Variants in BARHL2 observed in about 807,000 individuals in gnomAD.
BARHL2 encodes BarH like homeobox 2.
Under a neutral mutation model 27.1 loss-of-function variants are expected in BARHL2, and 10 were observed. The observed-to-expected ratio is 0.37, with a 90% CI of 0.23 to 0.63. The LOEUF (loss-of-function observed/expected upper bound fraction) is 0.63. BARHL2 is among the 20% of genes least tolerant of loss of function. The probability of loss-of-function intolerance (pLI) is 0.65; values close to 1 mark genes in which losing one functional copy is unlikely to be tolerated. For missense variants in BARHL2, 483 were observed against 533.5 expected, an observed-to-expected ratio of 0.91 and a Z score of 0.93; for synonymous variants, 248 against 224.7, an observed-to-expected ratio of 1.10 and a Z score of -0.93.
Position 90,712,584 on chromosome 1 carries a change from G to A in BARHL2, c.892C>T (p.Leu298=). Residue 298 remains leucine (L), a synonymous_variant, in exon 3 of 3, where the codon CTG becomes TTG. Coordinates refer to ENST00000370445, the MANE Select transcript of BARHL2 (RefSeq NM_020063.2). ...GCCGAGTAGTTCCCTGCCTCGGCCAGCAACTCCAGGCCCACCGCTGTCTGC... is the reference window on the plus strand; with the variant it reads ...GCCGAGTAGTTCCCTGCCTCGGCCAACAACTCCAGGCCCACCGCTGTCTGC... ...KRQTAVGLEL[L]AEAGNYSALQ... The A allele has an allele frequency of 8.7e-6, 14 of 1,612,782 alleles. No individual in the cohort carries two copies. The highest frequency in any genetic ancestry group is 1.7e-4 in the Middle Eastern group (1 of 6,012).
chr1:90,716,827 C>CGGCGGCGGCGGCTGCTGT lies in BARHL2; in HGVS notation c.351_368dup (p.Gln118_Pro123dup), dbSNP rs770262529. ...CGGCCGAGCCCAGCTGCTGGGGGGG[C>CGGCGGCGGCGGCTGCTGT]GGCGGCGGCGGCTGCTGTGGCGGCA... On this transcript the variant is annotated inframe_insertion, in exon 1 of 3. Transcript: ENST00000370445. 5.2e-6 allele frequency: 8 copies of CGGCGGCGGCGGCTGCTGT among 1,544,312 alleles called. No individual in the cohort carries two copies. In the East Asian group the frequency reaches 7.4e-5, roughly 14 times the overall value.
Position 90,717,292 on chromosome 1 carries a change from T to A in BARHL2, c.-97A>T. On this transcript the variant is annotated 5_prime_UTR_variant, in exon 1 of 3. Transcript: ENST00000370445. ...AAAACAAAATAAACACCAAACAATG[T>A]TGCCGCCGCTTAAAAAAAAAAAAGT... 1 of 1,503,576 alleles carries A rather than the reference T, an allele frequency of 6.7e-7. No individual in the cohort carries two copies. Among genetic ancestry groups the A allele is most frequent in the Non-Finnish European group, 8.8e-7 (1 of 1,140,672 alleles). 93.1% of individuals were successfully genotyped at this position (1,503,576 alleles called of 1,614,324 possible).
chr1:90,716,793 G>A lies in BARHL2; in HGVS notation c.403C>T (p.Pro135Ser), dbSNP rs767961641. 1.9e-6 allele frequency: 3 copies of A among 1,553,928 alleles called. No individual in the cohort carries two copies. The highest frequency in any genetic ancestry group is 1.2e-5 in the South Asian group (1 of 84,396). Residue 135 changes from proline (P) to serine (S), a missense_variant, in exon 1 of 3, where the codon CCC becomes TCC. By Grantham distance (74) the Pro-to-Ser change is moderately conservative. Around this residue, in one of 3 missense-constraint regions of BARHL2, gnomAD observed 304 missense variants for 284.9 expected, o/e 1.07. Transcript: ENST00000370445. ...AAAAAAGAAGACGTGGAAGTCCTGGGGGCCGAGGCGGCCGAGCCCAGCTGC... is the reference window on the plus strand; with the variant it reads ...AAAAAAGAAGACGTGGAAGTCCTGGAGGCCGAGGCGGCCGAGCCCAGCTGC... ...PQQLGSAASA[P>S]RTSTSSFLIK...
In BARHL2 at chr1:90,716,814, G is replaced by C; in HGVS notation, c.382C>G (p.Leu128Val). Reference protein sequence around the residue: ...QQPPPPPPQQLGSAASAPRTS... With the variant: ...QQPPPPPPQQVGSAASAPRTS... The stretch of plus-strand genomic sequence containing the variant: ...CTGGGGGCCGAGGCGGCCGAGCCCA[G>C]CTGCTGGGGGGGCGGCGGCGGCGGC... Residue 128 changes from leucine (L) to valine (V), a missense_variant, in exon 1 of 3, where the codon CTG becomes GTG. This residue lies in a region of BARHL2 where 304 missense variants were observed against 284.9 expected (regional missense o/e 1.07). Transcript: ENST00000370445. 6.4e-7 allele frequency: 1 copy of C among 1,552,598 alleles called. No homozygotes were observed. Among genetic ancestry groups the C allele is most frequent in the Non-Finnish European group, 8.7e-7 (1 of 1,147,786 alleles).
chr1:90,714,847 C>A, intron 1 of BARHL2, 91 bp from the exon 2 acceptor site: 1 of 1,230,796 alleles, frequency 8.1e-7, no homozygotes, highest in Non-Finnish European at 1.2e-6. Flanking sequence ...ATTCCCAAGC[C>A]AACTACTGGC....
At chr1:90,713,968 C>T (rs535532508) in intron 2 of BARHL2, among the ~76,000 whole-genome samples, 1 of 152,344 alleles carries the variant, frequency 6.6e-6, no homozygotes, top group South Asian at 2.1e-4. Context: ...GCCAAACCTA[C>T]TCTAACCCAG....
chr1:90,713,400 C>A (rs1658077334), intron 2 of BARHL2, among the ~76,000 whole-genome samples: 1 of 152,126 alleles, frequency 6.6e-6, no homozygotes, highest in Non-Finnish European at 1.5e-5. Context: ...CGCTGCACAC[C>A]CTGCTAGGAA....
Position 90,712,370 on chromosome 1 carries a change from C to A in BARHL2, c.1106G>T (p.Gly369Val). ...GGACAATGGATTAAGGGCTGGCTGTCCCCCAGGCCCTAGGCCGTGGATGAG... is the reference window on the plus strand; with the variant it reads ...GGACAATGGATTAAGGGCTGGCTGTACCCCAGGCCCTAGGCCGTGGATGAG... The part of the protein sequence containing the change: ...RVLIHGLGPG[G>V]QPALNPLSSP... The change falls in exon 3 of 3, where the codon GGA (glycine) becomes GTA (valine). Residue 369 changes from glycine to valine, a missense_variant. Coordinates refer to ENST00000370445, the MANE Select transcript of BARHL2 (RefSeq NM_020063.2). 1 of 1,556,666 alleles carries A rather than the reference C, an allele frequency of 6.4e-7. No individual in the cohort carries two copies. The highest frequency in any genetic ancestry group is 8.7e-7 in the Non-Finnish European group (1 of 1,147,440).
In BARHL2 at chr1:90,712,351, T is replaced by C; in HGVS notation, c.1125A>G (p.Pro375=). The change falls in exon 3 of 3, where the codon CCA becomes CCG. Residue 375 remains proline (P), a synonymous_variant. Coordinates refer to ENST00000370445, the MANE Select transcript of BARHL2 (RefSeq NM_020063.2). ...LGPGGQPALN[P]LSSPIPGTPH... Reference sequence around the variant, plus strand: ...GGGTGCCTGGGATGGGGCTGGACAATGGATTAAGGGCTGGCTGTCCCCCAG... The same window carrying C: ...GGGTGCCTGGGATGGGGCTGGACAACGGATTAAGGGCTGGCTGTCCCCCAG... 1 of 1,526,990 alleles carries C rather than the reference T, an allele frequency of 6.5e-7. No homozygotes were observed. The highest frequency in any genetic ancestry group is 2.4e-5 in the East Asian group (1 of 41,402). The allele number at this position is 1,526,990 out of a possible 1,614,324, so 94.6% of individuals were successfully genotyped here.
chr1:90,712,484 G>T lies in BARHL2; in HGVS notation c.992C>A (p.Ala331Glu), dbSNP rs751109974. 3.5e-5 allele frequency: 56 copies of T among 1,612,144 alleles called. No homozygotes were observed. Among genetic ancestry groups the T allele is most frequent in the Non-Finnish European group, 4.5e-5 (53 of 1,179,664 alleles). ...LLGSMDSTTAAAAAAAMYSSM... is the reference protein window; with the variant it reads ...LLGSMDSTTAEAAAAAMYSSM... ...GCTGTACATGGCAGCGGCAGCCGCCGCCGCCGTAGTGCTGTCCATGCTGCC... is the reference window on the plus strand; with the variant it reads ...GCTGTACATGGCAGCGGCAGCCGCCTCCGCCGTAGTGCTGTCCATGCTGCC... The change falls in exon 3 of 3, where the codon GCG (alanine) becomes GAG (glutamate). Residue 331 changes from alanine (A) to glutamate (E), a missense_variant. By Grantham distance (107) the Ala-to-Glu change is moderately radical (BLOSUM62 -1). Around this residue, in one of 3 missense-constraint regions of BARHL2, gnomAD observed 130 missense variants for 138.0 expected, o/e 0.94. Transcript: ENST00000370445.
Position 90,712,538 on chromosome 1 carries a change from G to T in BARHL2, c.938C>A (p.Ser313Ter). Residue 313 changes from serine (S) to a stop codon, truncating the protein, a stop_gained, in exon 3 of 3, where the codon TCG becomes TAG. Transcript: ENST00000370445. LOFTEE classifies it high-confidence loss of function. ...CAGGCTTGGGTGATAGAAATAAGGC[G>T]ATGGAAACATCCTCTGCAGCGCCGA... Reference protein sequence around the residue: ...NYSALQRMFPSPYFYHPSLLG... With the variant: ...NYSALQRMFP The T allele has an allele frequency of 1.9e-6, 3 of 1,614,058 alleles. No homozygotes were observed. Among genetic ancestry groups the T allele is most frequent in the Non-Finnish European group, 2.5e-6 (3 of 1,180,012 alleles).
rs1362208918 is a variant in BARHL2, at chr1:90,717,028, A to G, written c.168T>C (p.Asp56=). 6.2e-7 allele frequency: 1 copy of G among 1,613,948 alleles called. No homozygotes were observed. Among genetic ancestry groups the G allele is most frequent in the Non-Finnish European group, 8.5e-7 (1 of 1,179,958 alleles). ...QATPSPCSEI[D]TVGTAPSSPI... Reference sequence around the variant, plus strand: ...GAGAAGAAGGCGCCGTCCCTACGGTATCAATCTCCGAACAGGGAGATGGGG... The same window carrying G: ...GAGAAGAAGGCGCCGTCCCTACGGTGTCAATCTCCGAACAGGGAGATGGGG... Residue 56 remains aspartate (D), a synonymous_variant, in exon 1 of 3, where the codon GAT becomes GAC. Transcript: ENST00000370445.
Position 90,717,234 on chromosome 1 carries a change from C to A in BARHL2, c.-39G>T. 1 of 1,576,908 alleles carries A rather than the reference C, an allele frequency of 6.3e-7. No homozygotes were observed. Among genetic ancestry groups the A allele is most frequent in the East Asian group, 2.3e-5 (1 of 42,944 alleles). On this transcript the variant is annotated 5_prime_UTR_variant, in exon 1 of 3. Transcript: ENST00000370445. ...CCACGCCACTCCGCCGTTCAGCAGC[C>A]GCCCCGAACCAGCGAAGAAAGCTAT...
Position 90,712,703 on chromosome 1 carries a change from C to T in BARHL2, c.852-79G>A. The stretch of plus-strand genomic sequence containing the variant: ...CCAAGACCCGGCCCCTTCTCTGGCC[C>T]CTTCCTGCCTCCTCCTTCATTCTCC... On this transcript the variant is annotated intron_variant, in intron 2 of 2. Transcript: ENST00000370445. 5 of 1,373,018 alleles carry T rather than the reference C, an allele frequency of 3.6e-6. 1 individual carries two copies. Among genetic ancestry groups the T allele is most frequent in the African/African-American group, 1.5e-5 (1 of 68,488 alleles). The allele number at this position is 1,373,018 out of a possible 1,614,324, so 85.1% of individuals were successfully genotyped here. A position where few individuals can be genotyped will look rare whatever the true frequency, so the allele number is the denominator to read the frequency against.
At position 90,714,737 on chromosome 1, in the gene BARHL2, G is replaced by A; in HGVS notation, c.645C>T (p.Asp215=). 2 of 1,614,190 alleles carry A rather than the reference G, an allele frequency of 1.2e-6. No individual in the cohort carries two copies. Among genetic ancestry groups the A allele is most frequent in the Non-Finnish European group, 1.7e-6 (2 of 1,180,024 alleles). The change falls in exon 2 of 3, where the codon GAC becomes GAT. Residue 215 remains aspartate, a synonymous_variant. Coordinates refer to ENST00000370445, the MANE Select transcript of BARHL2 (RefSeq NM_020063.2). ...TCTCACGGCTACTCGTAATCTCCCG[G>A]TCTCCTTCCTCCTTTGTCCCTACCA... is the stretch of plus-strand genomic sequence containing the variant. ...IKCHGTKEEG[D]REITSSRESP... is the part of the protein sequence containing the mutation.
rs1168207544 is a variant in BARHL2 at position 90,712,559 on chromosome 1, G to A, written c.917C>T (p.Ala306Val). 9 of 1,613,636 alleles carry A rather than the reference G, an allele frequency of 5.6e-6. No individual in the cohort carries two copies. Among genetic ancestry groups the A allele is most frequent in the Middle Eastern group, 1.6e-4 (1 of 6,078 alleles). The change falls in exon 3 of 3, where the codon GCG becomes GTG. Residue 306 changes from alanine to valine, a missense_variant. This residue lies in a region of BARHL2 where 130 missense variants were observed against 138.0 expected (regional missense o/e 0.94). Transcript: ENST00000370445. ...AGGCGATGGAAACATCCTCTGCAGC[G>A]CCGAGTAGTTCCCTGCCTCGGCCAG... ...ELLAEAGNYS[A>V]LQRMFPSPYF...
rs781063052 is a variant in BARHL2 at position 90,712,359 on chromosome 1, G to A, written c.1117C>T (p.Leu373Phe). 10 of 1,542,408 alleles carry A rather than the reference G, an allele frequency of 6.5e-6. No individual in the cohort carries two copies. The highest frequency in any genetic ancestry group is 8.8e-6 in the Non-Finnish European group (10 of 1,139,834). Reference sequence around the variant, plus strand: ...GGGATGGGGCTGGACAATGGATTAAGGGCTGGCTGTCCCCCAGGCCCTAGG... The same window carrying A: ...GGGATGGGGCTGGACAATGGATTAAAGGCTGGCTGTCCCCCAGGCCCTAGG... ...HGLGPGGQPA[L>F]NPLSSPIPGT... The change falls in exon 3 of 3, where the codon CTT (leucine) becomes TTT (phenylalanine). Residue 373 changes from leucine to phenylalanine, a missense_variant. Physicochemically the swap from Leu to Phe is conservative, Grantham distance 22. Coordinates refer to ENST00000370445, the MANE Select transcript of BARHL2 (RefSeq NM_020063.2).
At chr1:90,712,838 C>T (rs1001159235) in intron 2 of BARHL2, among the ~76,000 whole-genome samples, 1 of 152,170 alleles carries the variant, frequency 6.6e-6, no homozygotes, top group Non-Finnish European at 1.5e-5. Flanking sequence ...TTGTAAATTA[C>T]ACCTTCAGTG....
intron 2 of BARHL2, 96 bp from the exon 3 acceptor site, chr1:90,712,720 T>C: frequency 8.1e-7 from 1 of 1,241,140 alleles, no homozygotes; most frequent in South Asian, 1.6e-5. Flanking sequence ...GCCTCCTCCT[T>C]CATTCTCCCT....
Sources: allele counts gnomAD v4.1 joint callset (sites outside exome capture counted in the v4.1 genomes callset), GRCh38; gene constraint gnomAD v4.1.1; regional missense constraint gnomAD v4.1.1; transcripts MANE v1.5; gene names NCBI Gene and HGNC (gene_info 2026-07-23, HGNC 2026-07-21).